The following TBX20 variants were observed in gnomAD, a reference collection of about 807,000 sequenced individuals.
TBX20 encodes T-box transcription factor TBX20.
TBX20 carries 8 observed loss-of-function variants against 42.9 expected under a neutral mutation model. The ratio of observed to expected loss-of-function variants is 0.19; its 90% confidence interval spans 0.11 to 0.34. The LOEUF (loss-of-function observed/expected upper bound fraction) is 0.34. Ranked by LOEUF, TBX20 falls within the 10% of genes least tolerant of loss-of-function variation. The pLI, the probability that TBX20 is intolerant of heterozygous loss-of-function variation, is 1.00. For synonymous variants in TBX20, 198 were observed against 222.8 expected (o/e 0.89, Z 0.99); for missense variants, 411 against 566.0 (o/e 0.73, Z 2.78).
rs746680624 is a variant in TBX20 at position 35,248,753 on chromosome 7, T to C, written c.469A>G (p.Asn157Asp). Residue 157 changes from asparagine to aspartate, a missense_variant, in exon 3 of 8, where the codon AAC (asparagine) becomes GAC (aspartate). By Grantham distance (23) the Asn-to-Asp change is conservative. This residue lies in a region of TBX20 where 121 missense variants were observed against 165.9 expected (regional missense o/e 0.73). Coordinates refer to ENST00000408931, the MANE Select transcript of TBX20 (RefSeq NM_001077653.2). Reference protein sequence around the residue: ...IVLMDIVPVDNKRYRYAYHRS... With the variant: ...IVLMDIVPVDDKRYRYAYHRS... ...TGGTAGGCGTAGCGGTACCTCTTGT[T>C]GTCCACAGGGACGATGTCCATCAGG... 20 of 1,614,224 alleles carry C rather than the reference T, an allele frequency of 1.2e-5. 1 individual carries two copies. The South Asian group carries it at 2.2e-4, about 18-fold the overall frequency.
chr7:35,224,220 G>C (rs1448051000), intron 6 of TBX20, among the ~76,000 whole-genome samples: 1 of 152,166 alleles, frequency 6.6e-6, no homozygotes, highest in East Asian at 1.9e-4. Context: ...TAAAAGGAAG[G>C]AAAAGATTTC....
chr7:35,218,521 G>C (rs896977474), intron 6 of TBX20, among the ~76,000 whole-genome samples: 2 of 151,926 alleles, frequency 1.3e-5, no homozygotes, highest in African/African-American at 4.8e-5. Context: ...TTATATTCTG[G>C]AAGTTTAAAA....
intron 6 of TBX20, among the ~76,000 whole-genome samples, chr7:35,225,453 T>C (rs936311959): frequency 1.3e-5 from 2 of 152,274 alleles, no homozygotes; most frequent in African/African-American, 4.8e-5. Flanking sequence ...TTAACCTGTT[T>C]GTGTGTTTGC....
chr7:35,239,851 A>C (rs897360177), intron 5 of TBX20, among the ~76,000 whole-genome samples: 1 of 152,022 alleles, frequency 6.6e-6, no homozygotes, highest in Non-Finnish European at 1.5e-5. Flanking sequence ...TCCCAGGTTC[A>C]AGCGATTCTC....
Position 35,253,591 on chromosome 7 carries a change from T to C in TBX20, c.30A>G (p.Gln10=), listed in dbSNP as rs200480759. Residue 10 remains glutamine (Q), a synonymous_variant, in exon 1 of 8, where the codon CAA becomes CAG. Transcript: ENST00000408931. MEFTASPKP[Q]LSSRANAFSI... ...AGAAGGCGTTGGCCCGAGAGGAGAG[T>C]TGGGGCTTGGGGGACGCCGTGAACT... The C allele has an allele frequency of 2.9e-5, 46 of 1,611,472 alleles. No homozygotes were observed. In the East Asian group the frequency reaches 6.9e-4, roughly 24 times the overall value.
intron 5 of TBX20, among the ~76,000 whole-genome samples, chr7:35,238,508 G>A (rs1790010954): frequency 6.6e-6 from 1 of 152,160 alleles, no homozygotes; most frequent in African/African-American, 2.4e-5. Context: ...TTTCTTAAGT[G>A]AGCATAAATT....
intron 3 of TBX20, among the ~76,000 whole-genome samples, chr7:35,247,165 C>CAA (rs757916672): frequency 0.29 from 23,380 of 79,618 alleles, 2,975 homozygotes; most frequent in Non-Finnish European, 0.36. Flanking sequence ...GACTGGAGGG[C>CAA]AAAAAAAAAA....
chr7:35,208,548 G>A (rs1388593909), intron 6 of TBX20, among the ~76,000 whole-genome samples: 1 of 151,868 alleles, frequency 6.6e-6, no homozygotes. Context: ...TTCAAGACCA[G>A]CCTGACCAAC....
chr7:35,253,225 CAT>C (rs1482016447), intron 1 of TBX20, among the ~76,000 whole-genome samples: 1 of 152,216 alleles, frequency 6.6e-6, no homozygotes, highest in Admixed American at 6.5e-5. Flanking sequence ...ACCCAACAAA[CAT>C]ACACACACAC....
intron 6 of TBX20, among the ~76,000 whole-genome samples, chr7:35,223,504 T>G (rs931838254): frequency 1.1e-4 from 16 of 151,524 alleles, no homozygotes; most frequent in African/African-American, 3.6e-4. Flanking sequence ...ATGAATGAGA[T>G]GAGGAGGAGC....
At chr7:35,223,195 G>A (rs1789712689) in intron 6 of TBX20, among the ~76,000 whole-genome samples, 1 of 152,174 alleles carries the variant, frequency 6.6e-6, no homozygotes, top group African/African-American at 2.4e-5. Context: ...CACTGGGAAG[G>A]ATGCGGTTAT....
At chr7:35,227,056 G>A (rs1455195456) in intron 6 of TBX20, among the ~76,000 whole-genome samples, 1 of 147,308 alleles carries the variant, frequency 6.8e-6, no homozygotes, top group Non-Finnish European at 1.5e-5. Flanking sequence ...TTATGTCTTA[G>A]GTTTTAACAA....
At chr7:35,222,098 TAGAGA>T (rs1484813546) in intron 6 of TBX20, among the ~76,000 whole-genome samples, 2 of 152,146 alleles carry the variant, frequency 1.3e-5, no homozygotes, top group African/African-American at 2.4e-5. Flanking sequence ...TAATGAAGAT[TAGAGA>T]AAAGATTTTG....
At chr7:35,220,271 T>TG (rs1274939751) in intron 6 of TBX20, among the ~76,000 whole-genome samples, 3 of 152,148 alleles carry the variant, frequency 2.0e-5, no homozygotes, top group Admixed American at 6.5e-5. Context: ...AGCAGTTCTT[T>TG]GGGGAACAGG....
intron 3 of TBX20, among the ~76,000 whole-genome samples, chr7:35,247,707 A>G (rs994437485): frequency 3.3e-5 from 5 of 152,146 alleles, no homozygotes; most frequent in Admixed American, 2.6e-4. Context: ...CTCTGATACA[A>G]ACTTTCAATC....
At chr7:35,219,133 C>A (rs1302379799) in intron 6 of TBX20, among the ~76,000 whole-genome samples, 1 of 152,142 alleles carries the variant, frequency 6.6e-6, no homozygotes, top group Non-Finnish European at 1.5e-5. Context: ...AGAGGTGATG[C>A]AGCTGTCCTC....
At position 35,245,023 on chromosome 7, in the gene TBX20, C is replaced by T; in HGVS notation, c.580G>A (p.Glu194Lys). The T allele has an allele frequency of 6.2e-7, 1 of 1,613,696 alleles. No homozygotes were observed. Among genetic ancestry groups the T allele is most frequent in the Non-Finnish European group, 8.5e-7 (1 of 1,179,762 alleles). ...YVHPDSPFTGEQLLKQMVSFE... is the reference protein window; with the variant it reads ...YVHPDSPFTGKQLLKQMVSFE... ...GACACCATCTGTTTGAGTAGTTGCT[C>T]ACCGGTAAAAGGAGAATCTGGATGC... The change falls in exon 4 of 8, where the codon GAG becomes AAG. Residue 194 changes from glutamate to lysine, a missense_variant. Transcript: ENST00000408931.
In TBX20 at chr7:35,231,123, G is replaced by A. The variant is rs1789858397; in HGVS notation, c.890+381C>T. On this transcript the variant is annotated intron_variant, in intron 6 of 7. Transcript: ENST00000408931. The stretch of plus-strand genomic sequence containing the variant: ...ATTCCCAACTACCCTTACACTCTTT[G>A]TGTTAGCAAATATATCTACTTGGGA... Among the ~76,000 whole-genome samples the A allele has an allele frequency of 2.6e-5, 4 of 152,236 alleles. 1 individual carries two copies. The South Asian group carries it at 8.3e-4, about 32-fold the overall frequency.
In TBX20 at chr7:35,248,766, G is replaced by C. The variant is rs137852954; in HGVS notation, c.456C>G (p.Ile152Met). ...GGTACCTCTTGTTGTCCACAGGGACGATGTCCATCAGGACTATGTACTTGG... is the reference window on the plus strand; with the variant it reads ...GGTACCTCTTGTTGTCCACAGGGACCATGTCCATCAGGACTATGTACTTGG... ...PEAKYIVLMD[I>M]VPVDNKRYRY... is the part of the protein sequence containing the mutation. The change falls in exon 3 of 8, where the codon ATC becomes ATG. Residue 152 changes from isoleucine to methionine, a missense_variant. Ile to Met is a conservative substitution (Grantham distance 10). Around this residue, in one of 5 missense-constraint regions of TBX20, gnomAD observed 121 missense variants for 165.9 expected, o/e 0.73. Coordinates refer to ENST00000408931, the MANE Select transcript of TBX20 (RefSeq NM_001077653.2). The C allele has an allele frequency of 3.8e-5, 62 of 1,614,028 alleles. No homozygotes were observed. Among genetic ancestry groups the C allele is most frequent in the Middle Eastern group, 1.6e-4 (1 of 6,084 alleles).
Sources: allele counts gnomAD v4.1 joint callset (sites outside exome capture counted in the v4.1 genomes callset), GRCh38; gene constraint gnomAD v4.1.1; regional missense constraint gnomAD v4.1.1; transcripts MANE v1.5; gene names NCBI Gene and HGNC (gene_info 2026-07-23, HGNC 2026-07-21).